The following NUBPL variants were observed in gnomAD, a reference collection of about 807,000 sequenced individuals.
NUBPL encodes NUBP iron-sulfur cluster assembly factor, mitochondrial, also known as iron-sulfur cluster transfer protein NUBPL.
Under a neutral mutation model 45.7 loss-of-function variants are expected in NUBPL, and 31 were observed. The observed-to-expected ratio is 0.68, with a 90% CI of 0.51 to 0.92. The LOEUF (loss-of-function observed/expected upper bound fraction) is 0.92, where lower values mean the gene tolerates loss of function less well. NUBPL is among the 40% of genes least tolerant of loss of function. The pLI, the probability that NUBPL is intolerant of heterozygous loss-of-function variation, is 0.00. For missense variants in NUBPL, 401 were observed against 398.7 expected, an observed-to-expected ratio of 1.01 and a Z score of -0.05; for synonymous variants, 144 against 140.9, an observed-to-expected ratio of 1.02 and a Z score of -0.15.
At chr14:31,809,503 C>T (rs1434812454) in intron 7 of NUBPL, among the ~76,000 whole-genome samples, 6 of 152,040 alleles carry the variant, frequency 3.9e-5, no homozygotes, top group Admixed American at 6.5e-5. Flanking sequence ...TGATTCTTCT[C>T]TCTTTTCTTC....
intron 4 of NUBPL, among the ~76,000 whole-genome samples, chr14:31,616,012 T>C (rs1022631847): frequency 6.6e-6 from 1 of 152,244 alleles, no homozygotes; most frequent in African/African-American, 2.4e-5. Flanking sequence ...TGATATCTCA[T>C]TGTGGTTTTG....
chr14:31,569,906 A>T (rs1396694797), intron 3 of NUBPL, among the ~76,000 whole-genome samples: 1 of 152,218 alleles, frequency 6.6e-6, no homozygotes, highest in African/African-American at 2.4e-5. Flanking sequence ...TCTTAAAAAC[A>T]TCCTTATTAT....
chr14:31,658,152 T>C (rs2036185181), intron 4 of NUBPL, among the ~76,000 whole-genome samples: 1 of 152,216 alleles, frequency 6.6e-6, no homozygotes, highest in Non-Finnish European at 1.5e-5. Context: ...GAAAGAAACC[T>C]GTTTTCATAT....
chr14:31,572,726 T>G (rs976557209), intron 3 of NUBPL, among the ~76,000 whole-genome samples: 2 of 152,204 alleles, frequency 1.3e-5, no homozygotes, highest in African/African-American at 4.8e-5. Flanking sequence ...TGGGGGTACC[T>G]TCTCAGAAAT....
chr14:31,602,394 G>GA (rs1210412422), intron 4 of NUBPL, among the ~76,000 whole-genome samples: 32 of 12,742 alleles, frequency 2.5e-3, no homozygotes, highest in African/African-American at 4.0e-3. Flanking sequence ...TATAATAATA[G>GA]AAAAAAAAAA....
intron 6 of NUBPL, among the ~76,000 whole-genome samples, chr14:31,747,423 C>A (rs2038425757): frequency 6.6e-6 from 1 of 152,170 alleles, no homozygotes; most frequent in Non-Finnish European, 1.5e-5. Context: ...AGGTGTGAGC[C>A]ACCGCATCCG....
At chr14:31,700,766 C>G (rs2037315996) in intron 6 of NUBPL, among the ~76,000 whole-genome samples, 1 of 152,152 alleles carries the variant, frequency 6.6e-6, no homozygotes, top group African/African-American at 2.4e-5. Context: ...CTTGCCGGGC[C>G]TCAGCCGCCC....
chr14:31,569,430 C>T (rs1262637925), intron 3 of NUBPL, among the ~76,000 whole-genome samples: 1 of 152,148 alleles, frequency 6.6e-6, no homozygotes, highest in African/African-American at 2.4e-5. Context: ...CTCCTGACCT[C>T]AAGTGATCCA....
intron 6 of NUBPL, among the ~76,000 whole-genome samples, chr14:31,698,889 T>C (rs1408000639): frequency 6.6e-6 from 1 of 152,018 alleles, no homozygotes; most frequent in Non-Finnish European, 1.5e-5. Flanking sequence ...GAGTCTCGCT[T>C]TGTCACCCAG....
At chr14:31,753,102 C>T (rs549661696) in intron 6 of NUBPL, among the ~76,000 whole-genome samples, 20 of 152,180 alleles carry the variant, frequency 1.3e-4, no homozygotes, top group Non-Finnish European at 2.4e-4. Context: ...CATATCACAG[C>T]GTCAGTGATG....
At chr14:31,620,629 T>C (rs2035033369) in intron 4 of NUBPL, among the ~76,000 whole-genome samples, 1 of 152,190 alleles carries the variant, frequency 6.6e-6, no homozygotes, top group African/African-American at 2.4e-5. Flanking sequence ...GCAGCAAAGA[T>C]TCCTGCATGT....
rs146720038 is a variant in NUBPL, at chr14:31,822,237, C to A, written c.608-4392C>A. Among the ~76,000 whole-genome samples the A allele has an allele frequency of 1.8e-3, 279 of 151,846 alleles. 1 individual carries two copies. Among genetic ancestry groups the A allele is most frequent in the African/African-American group, 6.4e-3 (265 of 41,410 alleles). ...GATGAATGCCTGAGGGAATGGATACCCCATTTTACATGATGTGGTTATTAC... is the reference window on the plus strand; with the variant it reads ...GATGAATGCCTGAGGGAATGGATACACCATTTTACATGATGTGGTTATTAC... On this transcript the variant is annotated intron_variant, in intron 7 of 10. Coordinates refer to ENST00000281081, the MANE Select transcript of NUBPL (RefSeq NM_025152.3).
chr14:31,658,146 G>T (rs1035784069), intron 4 of NUBPL, among the ~76,000 whole-genome samples: 1 of 152,138 alleles, frequency 6.6e-6, no homozygotes, highest in African/African-American at 2.4e-5. Flanking sequence ...GCAATAGAAA[G>T]AAACCTGTTT....
At chr14:31,645,121 A>G (rs1192745436) in intron 4 of NUBPL, among the ~76,000 whole-genome samples, 1 of 147,276 alleles carries the variant, frequency 6.8e-6, no homozygotes, top group Non-Finnish European at 1.5e-5. Context: ...GCTGGAGTGC[A>G]GTGGCGCAAT....
At chr14:31,760,251 C>T (rs2038777123) in intron 6 of NUBPL, among the ~76,000 whole-genome samples, 1 of 150,832 alleles carries the variant, frequency 6.6e-6, no homozygotes, top group Non-Finnish European at 1.5e-5. Flanking sequence ...CCATGACTTC[C>T]CTGGGCTTCC....
chr14:31,665,650 T>G (rs1044278796), intron 4 of NUBPL, among the ~76,000 whole-genome samples: 1 of 152,176 alleles, frequency 6.6e-6, no homozygotes, highest in Non-Finnish European at 1.5e-5. Flanking sequence ...TTACTGCCAA[T>G]TATGTGGTCA....
In NUBPL at chr14:31,634,264, G is replaced by C. The variant is rs189367463; in HGVS notation, c.382+34885G>C. Among the ~76,000 whole-genome samples the C allele has an allele frequency of 3.5e-3, 400 of 114,996 alleles. 3 individuals carry two copies. The highest frequency in any genetic ancestry group is 0.014 in the African/African-American group (383 of 28,128). The allele number at this position is 114,996 out of a possible 152,430, so 75.4% of individuals were successfully genotyped here. ...ACCCCCCACCCCACAACAGTCCCGA[G>C]AGTGTGATCTTCCCCTTCCTGTGTC... On this transcript the variant is annotated intron_variant, in intron 4 of 10. Coordinates refer to ENST00000281081, the MANE Select transcript of NUBPL (RefSeq NM_025152.3).
chr14:31,656,949 T>C (rs1024439547), intron 4 of NUBPL, among the ~76,000 whole-genome samples: 3 of 152,230 alleles, frequency 2.0e-5, no homozygotes, highest in Non-Finnish European at 4.4e-5. Flanking sequence ...TCAATAAATA[T>C]GTTGAATGAG....
At chr14:31,714,356 C>T (rs1213426397) in intron 6 of NUBPL, among the ~76,000 whole-genome samples, 1 of 152,114 alleles carries the variant, frequency 6.6e-6, no homozygotes, top group Non-Finnish European at 1.5e-5. Context: ...TTTTGCATCT[C>T]TGTGAAGGAA....
Sources: allele counts gnomAD v4.1 joint callset (sites outside exome capture counted in the v4.1 genomes callset), GRCh38; gene constraint gnomAD v4.1.1; transcripts MANE v1.5; gene names NCBI Gene and HGNC (gene_info 2026-07-23, HGNC 2026-07-21).